MYO10: variants seen among roughly 807,000 people sequenced by gnomAD.
MYO10 encodes unconventional myosin-X.
In MYO10, 133 loss-of-function variants were observed where a neutral mutation model predicts 257.3. The ratio of observed to expected loss-of-function variants is 0.52; its 90% CI spans 0.45 to 0.60. The LOEUF is 0.60. MYO10 is among the 20% of genes least tolerant of loss of function. The pLI is 0.00. For missense variants in MYO10, 2,399 were observed against 2,635.7 expected (o/e 0.91, Z 1.97); for synonymous variants, 1,104 against 1,028.6 (o/e 1.07, Z -1.40).
At chr5:16,898,769 T>G (rs1374625851) in intron 1 of MYO10, among the ~76,000 whole-genome samples, 1 of 151,920 alleles carries the variant, frequency 6.6e-6, no homozygotes, top group African/African-American at 2.4e-5. Flanking sequence ...GGAACAGCCA[T>G]ATTTCAAGTG....
intron 26 of MYO10, among the ~76,000 whole-genome samples, chr5:16,697,561 ATTGG>A (rs1737811120): frequency 6.6e-6 from 1 of 151,974 alleles, no homozygotes; most frequent in Non-Finnish European, 1.5e-5. Context: ...TTAGCTGGGC[ATTGG>A]CGTGTGCCTG....
At chr5:16,913,847 G>A (rs1019396463) in intron 1 of MYO10, among the ~76,000 whole-genome samples, 2 of 152,194 alleles carry the variant, frequency 1.3e-5, no homozygotes, top group Non-Finnish European at 2.9e-5. Flanking sequence ...AGAGAGGGAG[G>A]AGGTTAGGAT....
At chr5:16,734,851 A>G (rs1199061295) in intron 19 of MYO10, among the ~76,000 whole-genome samples, 1 of 151,698 alleles carries the variant, frequency 6.6e-6, no homozygotes. Flanking sequence ...CATAATGATG[A>G]CTATGACTGC....
At chr5:16,718,783 G>A (rs1739015171) in intron 19 of MYO10, among the ~76,000 whole-genome samples, 1 of 152,060 alleles carries the variant, frequency 6.6e-6, no homozygotes, top group Non-Finnish European at 1.5e-5. Context: ...CTCAAGGTTT[G>A]TGAGTACACC....
At position 16,773,228 on chromosome 5, in the gene MYO10, T is replaced by A. The variant is rs182825854; in HGVS notation, c.931-4025A>T. On this transcript the variant is annotated intron_variant, in intron 9 of 40. Transcript: ENST00000513610. ...GCCTATGAGAAAATAATTATTCAAA[T>A]TTAAAGATATTTATCAGTGATTTCT... Among the ~76,000 whole-genome samples the A allele has an allele frequency of 9.7e-4, 148 of 152,276 alleles. 3 individuals are homozygous for A. Among genetic ancestry groups the A allele is most frequent in the Non-Finnish European group, 1.0e-4 (7 of 68,016 alleles).
chr5:16,890,512 T>C (rs1332510018), intron 1 of MYO10, among the ~76,000 whole-genome samples: 6 of 151,872 alleles, frequency 4.0e-5, no homozygotes, highest in Non-Finnish European at 8.8e-5. Context: ...GAATGGATTT[T>C]TTTTTAATGT....
Position 16,666,690 on chromosome 5 carries a change from C to T in MYO10, c.*2G>A, listed in dbSNP as rs1200547984. The T allele has an allele frequency of 1.3e-6, 2 of 1,596,890 alleles. No individual in the cohort carries two copies. The highest frequency in any genetic ancestry group is 1.7e-5 in the Admixed American group (1 of 58,428). The stretch of plus-strand genomic sequence containing the variant: ...CAAAGACAGGTGGGCTCTGTCCCGC[C>T]TTCACCTGGAGCTGCCCTGGCTGCT... On this transcript the variant is annotated 3_prime_UTR_variant, in exon 41 of 41. Transcript: ENST00000513610.
chr5:16,799,108 T>C (rs1435538454), intron 3 of MYO10, among the ~76,000 whole-genome samples: 1 of 152,200 alleles, frequency 6.6e-6, no homozygotes, highest in East Asian at 1.9e-4. Flanking sequence ...AAAACCATTA[T>C]TAAAACTTCT....
intron 5 of MYO10, among the ~76,000 whole-genome samples, chr5:16,782,907 C>CT (rs903441916): frequency 1.4e-4 from 21 of 152,308 alleles, no homozygotes; most frequent in African/African-American, 5.1e-4. Flanking sequence ...GACCTGAACC[C>CT]TGCTCGTCTC....
At chr5:16,728,404 C>G (rs1334659100) in intron 19 of MYO10, among the ~76,000 whole-genome samples, 2 of 152,052 alleles carry the variant, frequency 1.3e-5, no homozygotes, top group African/African-American at 4.8e-5. Context: ...TGGGGACTTT[C>G]TTTTGGCTCC....
chr5:16,896,237 T>C (rs1310175602), intron 1 of MYO10, among the ~76,000 whole-genome samples: 4 of 152,070 alleles, frequency 2.6e-5, no homozygotes, highest in African/African-American at 9.7e-5. Context: ...GGTGGGAGGA[T>C]TGCTTAAACC....
chr5:16,918,483 G>A (rs1745885693), intron 1 of MYO10, among the ~76,000 whole-genome samples: 1 of 145,608 alleles, frequency 6.9e-6, no homozygotes. Flanking sequence ...AAATTTCACT[G>A]AAACTATTTT....
chr5:16,934,555 C>A (rs979541256), intron 1 of MYO10, among the ~76,000 whole-genome samples: 2 of 152,124 alleles, frequency 1.3e-5, no homozygotes, highest in African/African-American at 2.4e-5. Context: ...CTAGAAAATG[C>A]GAGCGTCTCA....
intron 33 of MYO10, among the ~76,000 whole-genome samples, chr5:16,678,875 T>C (rs1412820191): frequency 2.6e-5 from 4 of 152,198 alleles, no homozygotes; most frequent in Non-Finnish European, 5.9e-5. Context: ...CCTGCAGGAC[T>C]GCTTGGAGGG....
At chr5:16,870,220 A>G (rs1042807618) in intron 2 of MYO10, among the ~76,000 whole-genome samples, 1 of 17,952 alleles carries the variant, frequency 5.6e-5, no homozygotes, top group Non-Finnish European at 1.2e-4. Context: ...GAAGTGCAAG[A>G]AAAAAACCTT....
At chr5:16,931,203 G>A (rs529366676) in intron 1 of MYO10, among the ~76,000 whole-genome samples, 6 of 152,112 alleles carry the variant, frequency 3.9e-5, no homozygotes, top group East Asian at 3.9e-4. Flanking sequence ...CCCGGGAGGC[G>A]GAGGTTGTGG....
intron 2 of MYO10, among the ~76,000 whole-genome samples, chr5:16,854,718 A>G (rs911488160): frequency 3.3e-5 from 5 of 152,182 alleles, no homozygotes; most frequent in Non-Finnish European, 7.3e-5. Context: ...AAACTGTTCA[A>G]TTAAAACAAA....
Position 16,666,625 on chromosome 5 carries a change from C to T in MYO10, c.*67G>A. On this transcript the variant is annotated 3_prime_UTR_variant, in exon 41 of 41. Transcript: ENST00000513610. Reference sequence around the variant, plus strand: ...GTTTGTTTTGGCTGGGCATGGCACACTGGAGCCAGCCTAGGCCAGAGGGTG... The same window carrying T: ...GTTTGTTTTGGCTGGGCATGGCACATTGGAGCCAGCCTAGGCCAGAGGGTG... 7.2e-7 allele frequency: 1 copy of T among 1,388,642 alleles called. No homozygotes were observed. The highest frequency in any genetic ancestry group is 1.9e-4 in the Middle Eastern group (1 of 5,226). The allele number at this position is 1,388,642 out of a possible 1,614,324, so 86.0% of individuals were successfully genotyped here. A position where few individuals can be genotyped will look rare whatever the true frequency, so the allele number is the denominator to read the frequency against.
chr5:16,674,623 A>G lies in MYO10; in HGVS notation c.4964+230T>C, dbSNP rs369628247. On this transcript the variant is annotated intron_variant, in intron 35 of 40. Coordinates refer to ENST00000513610, the MANE Select transcript of MYO10 (RefSeq NM_012334.3). ...AATTAATTGATCCAATGTCCTATAC[A>G]TTAGGACATTACACCAACGGTGACT... is the stretch of plus-strand genomic sequence containing the variant. Among the ~76,000 whole-genome samples, 37 of 150,086 alleles carry G rather than the reference A, an allele frequency of 2.5e-4. No individual in the cohort carries two copies. The South Asian group carries it at 7.8e-3, about 31-fold the overall frequency.
Sources: allele counts gnomAD v4.1 joint callset (sites outside exome capture counted in the v4.1 genomes callset), GRCh38; gene constraint gnomAD v4.1.1; transcripts MANE v1.5; gene names NCBI Gene and HGNC (gene_info 2026-07-23, HGNC 2026-07-21).